LRRC49: variants seen among roughly 807,000 people sequenced by gnomAD.
The protein encoded by LRRC49 is leucine rich repeat containing 49, also known as leucine-rich repeat-containing protein 49.
In LRRC49, 50 loss-of-function variants were observed where a neutral mutation model predicts 83.3. The observed-to-expected ratio is 0.60, with a 90% CI of 0.48 to 0.76. The LOEUF (loss-of-function observed/expected upper bound fraction) is 0.76. LRRC49 is among the 30% of genes least tolerant of loss of function. The pLI is 0.00. For missense variants in LRRC49, 704 were observed against 809.1 expected, an observed-to-expected ratio of 0.87 and a Z score of 1.58; for synonymous variants, 286 against 283.3, an observed-to-expected ratio of 1.01 and a Z score of -0.10.
intron 6 of LRRC49, among the ~76,000 whole-genome samples, chr15:70,915,986 G>T (rs1360849897): frequency 6.6e-6 from 1 of 152,138 alleles, no homozygotes; most frequent in South Asian, 2.1e-4. Context: ...AGTTCTTTTA[G>T]CTAACATCTG....
intron 2 of LRRC49, among the ~76,000 whole-genome samples, chr15:70,876,466 G>A (rs1008837419): frequency 1.3e-5 from 2 of 152,156 alleles, no homozygotes; most frequent in African/African-American, 4.8e-5. Flanking sequence ...TGCATGACAT[G>A]CTTTGGTAGT....
At chr15:70,892,321 T>G (rs749872519), upstream of LRRC49, 87 of 1,549,912 alleles carry the variant, frequency 5.6e-5, no homozygotes, top group South Asian at 7.8e-4. Context: ...ACCTTCGCCC[T>G]TGGGCACGCT....
chr15:70,992,702 T>A (rs1325496494), intron 11 of LRRC49, among the ~76,000 whole-genome samples: 1 of 152,204 alleles, frequency 6.6e-6, no homozygotes, highest in Admixed American at 6.5e-5. Flanking sequence ...ACAGCGAATA[T>A]TGCTCAACAG....
intron 9 of LRRC49, among the ~76,000 whole-genome samples, chr15:70,970,660 G>A (rs1752246871): frequency 6.6e-6 from 1 of 152,142 alleles, no homozygotes; most frequent in Non-Finnish European, 1.5e-5. Flanking sequence ...CTCAATTACA[G>A]AACTTGTTAT....
chr15:70,965,235 A>G (rs985918726), intron 9 of LRRC49, among the ~76,000 whole-genome samples: 61 of 152,246 alleles, frequency 4.0e-4, no homozygotes, highest in African/African-American at 1.3e-3. Flanking sequence ...GTACTTAATT[A>G]TATGGTATGT....
At chr15:70,895,587 A>G (rs1054882892) in intron 2 of LRRC49, 2 of 273,494 alleles carry the variant, frequency 7.3e-6, no homozygotes, top group African/African-American at 2.2e-5. Context: ...CATCATTCCA[A>G]ATGGAATCCC....
chr15:70,908,361 G>A (rs748966912), intron 5 of LRRC49, among the ~76,000 whole-genome samples: 2 of 152,198 alleles, frequency 1.3e-5, no homozygotes, highest in Non-Finnish European at 2.9e-5. Context: ...TCCCTAAGAA[G>A]TTGGAGACTA....
At chr15:70,855,210 CTG>C (rs2032624487) in intron 1 of LRRC49, among the ~76,000 whole-genome samples, 1 of 151,972 alleles carries the variant, frequency 6.6e-6, no homozygotes, top group East Asian at 1.9e-4. Flanking sequence ...TGGCACGTGC[CTG>C]TAATCCCAGC....
chr15:70,871,433 C>T (rs1055733051), intron 1 of LRRC49, among the ~76,000 whole-genome samples: 1 of 152,212 alleles, frequency 6.6e-6, no homozygotes, highest in African/African-American at 2.4e-5. Context: ...AAACCCCCAT[C>T]GTCATCATGG....
intron 11 of LRRC49, among the ~76,000 whole-genome samples, chr15:71,005,925 G>A (rs914048885): frequency 2.0e-5 from 3 of 152,130 alleles, no homozygotes; most frequent in Non-Finnish European, 4.4e-5. Context: ...ATGGAGCTCA[G>A]AACACACTTT....
chr15:71,048,138 T>C (rs1341636893), intron 15 of LRRC49, among the ~76,000 whole-genome samples: 1 of 146,082 alleles, frequency 6.8e-6, no homozygotes, highest in East Asian at 2.0e-4. Context: ...CAGGCTGGAG[T>C]GCAATGGCAT....
At chr15:70,927,968 A>C (rs1482183343) in intron 7 of LRRC49, among the ~76,000 whole-genome samples, 1 of 152,062 alleles carries the variant, frequency 6.6e-6, no homozygotes. Flanking sequence ...TTTTTAATTA[A>C]GTTTATGTAT....
chr15:70,868,980 T>C (rs1881567), intron 1 of LRRC49, among the ~76,000 whole-genome samples: 83,059 of 152,054 alleles, frequency 0.55, 23,471 homozygotes, highest in Admixed American at 0.69. Flanking sequence ...GATTAAAGTA[T>C]AGGGATGTCT....
intron 11 of LRRC49, among the ~76,000 whole-genome samples, chr15:70,998,511 T>C (rs945611459): frequency 1.3e-5 from 2 of 152,126 alleles, no homozygotes; most frequent in Non-Finnish European, 2.9e-5. Context: ...TCCACTACTT[T>C]GTGGTCTCCA....
chr15:70,992,185 A>G (rs1439803380), intron 11 of LRRC49, among the ~76,000 whole-genome samples: 2 of 152,134 alleles, frequency 1.3e-5, no homozygotes, highest in Non-Finnish European at 1.5e-5. Context: ...ACTTCTCTAC[A>G]CTGGTTATTC....
chr15:70,964,660 A>T (rs1410887253), intron 9 of LRRC49, among the ~76,000 whole-genome samples: 2 of 152,142 alleles, frequency 1.3e-5, no homozygotes, highest in Non-Finnish European at 2.9e-5. Flanking sequence ...ATATTATAGG[A>T]TCCAAGAAGT....
chr15:70,980,148 G>C lies in LRRC49; in HGVS notation c.969G>C (p.Glu323Asp). The C allele has an allele frequency of 6.2e-7, 1 of 1,612,348 alleles. No individual in the cohort carries two copies. Among genetic ancestry groups the C allele is most frequent in the Non-Finnish European group, 8.5e-7 (1 of 1,179,216 alleles). The change falls in exon 10 of 16, where the codon GAG becomes GAC. Residue 323 changes from glutamate to aspartate, a missense_variant. Glu to Asp is a conservative substitution (Grantham distance 45). Coordinates refer to ENST00000260382, the MANE Select transcript of LRRC49 (RefSeq NM_017691.5). ...MASVLAKKEE[E>D]KKRESHKQSL... ...CTGTTTTAGCCAAAAAAGAGGAAGA[G>C]AAGAAGCGGGAAAGTCATAAACAAT... is the stretch of plus-strand genomic sequence containing the variant.
Position 70,858,583 on chromosome 15 carries a change from G to T in LRRC49, c.-299+5114G>T. 6.5e-6 allele frequency: 3 copies of T among 463,530 alleles called. No individual in the cohort carries two copies. The South Asian group carries it at 1.6e-4, about 24-fold the overall frequency. The allele number at this position is 463,530 out of a possible 1,614,324, so 28.7% of individuals were successfully genotyped here. A position where few individuals can be genotyped will look rare whatever the true frequency, so the allele number is the denominator to read the frequency against. On this transcript the variant is annotated intron_variant, in intron 1 of 16. Transcript: ENST00000544974. ...TGTGCCATTGCACTCCTGCCTGGGCGACAGAGCGAGACTTGGTCTCAATTA... is the reference window on the plus strand; with the variant it reads ...TGTGCCATTGCACTCCTGCCTGGGCTACAGAGCGAGACTTGGTCTCAATTA...
intron 1 of LRRC49, among the ~76,000 whole-genome samples, chr15:70,871,568 G>A (rs975374454): frequency 6.7e-6 from 1 of 150,028 alleles, no homozygotes; most frequent in African/African-American, 2.5e-5. Context: ...GGCGCGGCTG[G>A]CCGGGCGGGG....
Sources: gnomAD v4.1 joint callset for allele counts (sites outside exome capture counted in the v4.1 genomes callset) on GRCh38, gnomAD v4.1.1 for gene constraint, MANE v1.5 for transcripts, NCBI Gene and HGNC (gene_info 2026-07-23, HGNC 2026-07-21) for gene names.